The following FCMR variants were observed in gnomAD, a reference collection of about 807,000 sequenced individuals.
The protein encoded by FCMR is Fc mu receptor.
Under a neutral mutation model 41.6 loss-of-function variants are expected in FCMR, and 34 were observed. That is an observed-to-expected ratio of 0.82 (90% CI 0.62 to 1.09). The LOEUF is 1.09. Ranked by LOEUF, FCMR falls within the 50% of genes least tolerant of loss-of-function variation. The pLI is 0.00. For synonymous variants in FCMR, 209 were observed against 211.8 expected, an observed-to-expected ratio of 0.99 and a Z score of 0.12; for missense variants, 496 against 512.5, an observed-to-expected ratio of 0.97 and a Z score of 0.31.
intron 7 of FCMR, 28 bp from the exon 8 acceptor site, chr1:206,905,175 G>C (rs372813542): frequency 6.8e-6 from 11 of 1,613,428 alleles, no homozygotes; most frequent in Non-Finnish European, 8.5e-6. Context: ...AGCATCACTG[G>C]ATCTGGGTAG....
At chr1:206,911,033 A>G (rs546452483) in intron 4 of FCMR, among the ~76,000 whole-genome samples, 3 of 152,312 alleles carry the variant, frequency 2.0e-5, no homozygotes, top group Non-Finnish European at 4.4e-5. Flanking sequence ...TGCTTGCCAC[A>G]TAGTAGAGAA....
intron 1 of FCMR, among the ~76,000 whole-genome samples, chr1:206,917,168 T>G (rs548657979): frequency 6.6e-6 from 1 of 152,120 alleles, no homozygotes; most frequent in East Asian, 1.9e-4. Flanking sequence ...CCATACAAAA[T>G]AAGATCAAGG....
intron 1 of FCMR, among the ~76,000 whole-genome samples, chr1:206,920,515 T>G (rs1558006828): frequency 6.7e-6 from 1 of 149,718 alleles, no homozygotes. Flanking sequence ...AGGCACAGCA[T>G]GGGCAAAGAC....
chr1:206,904,706 AG>A lies in FCMR; in HGVS notation c.*312del, dbSNP rs1465764653. The A allele has an allele frequency of 3.0e-6, 1 of 329,212 alleles. No individual in the cohort carries two copies. Among genetic ancestry groups the A allele is most frequent in the Non-Finnish European group, 5.9e-6 (1 of 170,324 alleles). The allele number at this position is 329,212 out of a possible 1,614,324, so 20.4% of individuals were successfully genotyped here. A position where few individuals can be genotyped will look rare whatever the true frequency, so the allele number is the denominator to read the frequency against. On this transcript the variant is annotated 3_prime_UTR_variant, in exon 8 of 8. Transcript: ENST00000367091. ...TGGGCAGCAACAACCCTGTGGTCAA[AG>A]ACATGGAAGAAACACTCTGCAAATC...
intron 7 of FCMR, chr1:206,907,825 T>A (rs1395369010): frequency 2.1e-5 from 30 of 1,400,816 alleles, no homozygotes; most frequent in Non-Finnish European, 2.8e-5. Flanking sequence ...CTTCCCGAGG[T>A]CCCTACCACT....
chr1:206,911,297 C>T (rs904796426), intron 4 of FCMR, among the ~76,000 whole-genome samples: 14 of 151,768 alleles, frequency 9.2e-5, no homozygotes, highest in African/African-American at 3.1e-4. Flanking sequence ...GCAGTACTTC[C>T]TTGGACTGCA....
At chr1:206,910,121 G>T in intron 5 of FCMR, 89 bp downstream of exon 5, 1 of 1,384,594 alleles carries the variant, frequency 7.2e-7, no homozygotes, top group Admixed American at 2.9e-5. Context: ...CAAAAGCTCC[G>T]AGTTTCCCAT....
intron 2 of FCMR, 83 bp from the exon 3 acceptor site, chr1:206,913,125 G>T: frequency 2.0e-6 from 2 of 1,020,660 alleles, no homozygotes; most frequent in Non-Finnish European, 3.1e-6. Flanking sequence ...TTCAGCCAAA[G>T]TGGATGACAG....
Position 206,913,991 on chromosome 1 carries a change from A to G in FCMR, c.141T>C (p.Tyr47=). 6.2e-7 allele frequency: 1 copy of G among 1,614,202 alleles called. No homozygotes were observed. The highest frequency in any genetic ancestry group is 8.5e-7 in the Non-Finnish European group (1 of 1,180,040). The part of the protein sequence containing the change: ...CPLPEMHVRI[Y]LCREMAGSGT... ...CAGATCCAGCCATCTCCCGGCACAG[A>G]TATATCCTCACATGCATTTCAGGAA... The change falls in exon 2 of 8, where the codon TAT becomes TAC. Residue 47 remains tyrosine, a synonymous_variant. Coordinates refer to ENST00000367091, the MANE Select transcript of FCMR (RefSeq NM_005449.5).
In FCMR at chr1:206,904,768, T is replaced by TG. The variant is rs1219678965; in HGVS notation, c.*250dup. ...TTCGACGGCTTGGAAAGGAAGCAAG[T>TG]GGCATTGGGACAATTGCTCTACATG... On this transcript the variant is annotated 3_prime_UTR_variant, in exon 8 of 8. Coordinates refer to ENST00000367091, the MANE Select transcript of FCMR (RefSeq NM_005449.5). 2 of 477,004 alleles carry TG rather than the reference T, an allele frequency of 4.2e-6. No homozygotes were observed. Among genetic ancestry groups the TG allele is most frequent in the African/African-American group, 3.9e-5 (2 of 51,200 alleles). 29.5% of individuals were successfully genotyped at this position (477,004 alleles called of 1,614,324 possible).
At chr1:206,912,635 A>G (rs1441906521) in intron 3 of FCMR, among the ~76,000 whole-genome samples, 4 of 152,226 alleles carry the variant, frequency 2.6e-5, no homozygotes, top group Admixed American at 6.5e-5. Context: ...GTCATTCATA[A>G]AAAGAGCTAG....
At chr1:206,918,012 C>T (rs1386807449) in intron 1 of FCMR, among the ~76,000 whole-genome samples, 2 of 152,154 alleles carry the variant, frequency 1.3e-5, no homozygotes, top group Admixed American at 6.5e-5. Context: ...TCATCAAATT[C>T]GCTAAATCAG....
At chr1:206,906,761 A>T (rs944072849) in intron 7 of FCMR, among the ~76,000 whole-genome samples, 9 of 151,786 alleles carry the variant, frequency 5.9e-5, no homozygotes, top group African/African-American at 2.2e-4. Flanking sequence ...GGCCCAGGTG[A>T]GGGTCTGTGT....
At chr1:206,907,796 A>G (rs1440780697) in intron 7 of FCMR, 72 of 1,381,284 alleles carry the variant, frequency 5.2e-5, no homozygotes, top group Non-Finnish European at 7.2e-5. Flanking sequence ...TTTCCCCCGC[A>G]AGCGGATGAA....
At chr1:206,911,995 T>G in intron 3 of FCMR, 43 bp from the exon 4 acceptor site, 1 of 1,462,160 alleles carries the variant, frequency 6.8e-7, no homozygotes, top group Non-Finnish European at 9.5e-7. Context: ...TTTTATACAC[T>G]CTATTCTCCA....
chr1:206,923,111 C>G (rs1051419564), upstream of FCMR: 2 of 152,346 alleles, frequency 1.3e-5, no homozygotes, highest in African/African-American at 4.8e-5. Flanking sequence ...GGTGAAAGGA[C>G]CTCTTGTGCC....
At chr1:206,919,994 A>G (rs1679363811) in intron 1 of FCMR, among the ~76,000 whole-genome samples, 1 of 152,250 alleles carries the variant, frequency 6.6e-6, no homozygotes, top group African/African-American at 2.4e-5. Flanking sequence ...GAAAGCAAAC[A>G]TAATAGGAAG....
intron 2 of FCMR, 42 bp from the exon 3 acceptor site, chr1:206,913,084 A>G: frequency 1.4e-6 from 2 of 1,464,486 alleles, no homozygotes; most frequent in Non-Finnish European, 9.6e-7. Flanking sequence ...CTCTAGGGGG[A>G]GACTGAGGCT....
At chr1:206,908,194 A>T in intron 7 of FCMR, 1 of 1,461,792 alleles carries the variant, frequency 6.8e-7, no homozygotes, top group South Asian at 1.2e-5. Context: ...TGACAAATAC[A>T]CAGAGGTCCT....
Sources: gnomAD v4.1 joint callset for allele counts (sites outside exome capture counted in the v4.1 genomes callset) on GRCh38, gnomAD v4.1.1 for gene constraint, MANE v1.5 for transcripts, NCBI Gene and HGNC (gene_info 2026-07-23, HGNC 2026-07-21) for gene names.